CDKN1A: variants seen among roughly 807,000 people sequenced by gnomAD.
The protein encoded by CDKN1A is cyclin dependent kinase inhibitor 1A.
Under a neutral mutation model 14.8 loss-of-function variants are expected in CDKN1A, and 14 were observed. That is an observed-to-expected ratio of 0.94 (90% CI 0.62 to 1.48). The LOEUF (loss-of-function observed/expected upper bound fraction) is 1.48. CDKN1A is among the 40% of genes most tolerant of loss of function. The pLI is 0.00. For missense variants in CDKN1A, 203 were observed against 231.7 expected, an observed-to-expected ratio of 0.88 and a Z score of 0.80; for synonymous variants, 92 against 93.5, an observed-to-expected ratio of 0.98 and a Z score of 0.09.
At position 36,685,981 on chromosome 6, in the gene CDKN1A, A is replaced by G. The variant is rs546659289; in HGVS notation, c.*181A>G. The G allele has an allele frequency of 1.5e-6, 1 of 654,622 alleles. No individual in the cohort carries two copies. The highest frequency in any genetic ancestry group is 1.8e-5 in the African/African-American group (1 of 54,824). The allele number at this position is 654,622 out of a possible 1,614,324, so 40.6% of individuals were successfully genotyped here. On this transcript the variant is annotated 3_prime_UTR_variant, in exon 3 of 3. Transcript: ENST00000244741. Reference sequence around the variant, plus strand: ...CAGCCTCTGGCATTAGAATTATTTAAACAAAAACTAGGCGGTTGAATGAGA... The same window carrying G: ...CAGCCTCTGGCATTAGAATTATTTAGACAAAAACTAGGCGGTTGAATGAGA...
At chr6:36,681,274 T>C (rs12211305) in intron 1 of CDKN1A, among the ~76,000 whole-genome samples, 9,466 of 67,818 alleles carry the variant, frequency 0.14, 661 homozygotes, top group East Asian at 0.22. Context: ...TTTTCTTTCT[T>C]TCTTTTTTTC....
At position 36,685,246 on chromosome 6, in the gene CDKN1A, A is replaced by ACAACTACTG. The variant is rs1762160587; in HGVS notation, c.446-504_446-496dup. On this transcript the variant is annotated intron_variant, in intron 2 of 2. Transcript: ENST00000244741. ...TGGGTCAAGACTAATTATAATAACA[A>ACAACTACTG]CAACTACTGACGTTTATATGGGCCC... is the stretch of plus-strand genomic sequence containing the variant. 2.0e-5 allele frequency among the ~76,000 whole-genome samples: 3 copies of ACAACTACTG among 152,216 alleles called. No individual in the cohort carries two copies. In the South Asian group the frequency reaches 6.2e-4, roughly 31 times the overall value.
At chr6:36,679,512 G>A (rs3176326) in intron 1 of CDKN1A, among the ~76,000 whole-genome samples, 30,156 of 152,196 alleles carry the variant, frequency 0.2, 2,984 homozygotes, top group Middle Eastern at 0.3. Context: ...GGTACAGCGG[G>A]ACTCCAGAAG....
At chr6:36,683,231 C>A (rs1762076789) in intron 1 of CDKN1A, among the ~76,000 whole-genome samples, 1 of 152,226 alleles carries the variant, frequency 6.6e-6, no homozygotes, top group African/African-American at 2.4e-5. Context: ...CTATTACTAT[C>A]CCCATTTTAT....
chr6:36,681,421 C>CTCTT (rs1478304000), intron 1 of CDKN1A, among the ~76,000 whole-genome samples: 1 of 115,072 alleles, frequency 8.7e-6, no homozygotes, highest in East Asian at 2.6e-4. Flanking sequence ...TTCTCTTTCT[C>CTCTT]TCTTTCTTTC....
intron 1 of CDKN1A, among the ~76,000 whole-genome samples, chr6:36,683,356 A>T (rs538737497): frequency 6.6e-6 from 1 of 152,304 alleles, no homozygotes; most frequent in South Asian, 2.1e-4. Context: ...AACCACCAGG[A>T]TACAGCCTTT....
chr6:36,680,246 G>A (rs1405782754), intron 1 of CDKN1A, among the ~76,000 whole-genome samples: 1 of 152,018 alleles, frequency 6.6e-6, no homozygotes, highest in Non-Finnish European at 1.5e-5. Flanking sequence ...CGTGCTTTGG[G>A]CGTGGAGATA....
chr6:36,682,227 T>C (rs1434604701), intron 1 of CDKN1A, among the ~76,000 whole-genome samples: 1 of 152,232 alleles, frequency 6.6e-6, no homozygotes, highest in East Asian at 1.9e-4. Flanking sequence ...TGGTTGCCTC[T>C]TCTGTAAAAA....
At chr6:36,683,544 CA>C (rs368125377) in intron 1 of CDKN1A, among the ~76,000 whole-genome samples, 8 of 152,208 alleles carry the variant, frequency 5.3e-5, no homozygotes, top group African/African-American at 1.9e-4. Context: ...GAGCTAGGAC[CA>C]CAACCCGGGT....
At chr6:36,677,602 T>C (rs921419002), upstream of CDKN1A, 8 of 377,810 alleles carry the variant, frequency 2.1e-5, no homozygotes, top group African/African-American at 1.5e-4. Context: ...GAAGAACCAG[T>C]AGACACTTCC....
Position 36,678,975 on chromosome 6 carries a change from T to C in CDKN1A, c.-6+177T>C. 1.0e-6 allele frequency: 1 copy of C among 981,434 alleles called. No individual in the cohort carries two copies. The highest frequency in any genetic ancestry group is 1.2e-6 in the Non-Finnish European group (1 of 828,478). The allele number at this position is 981,434 out of a possible 1,614,324, so 60.8% of individuals were successfully genotyped here. On this transcript the variant is annotated intron_variant, in intron 1 of 2. Transcript: ENST00000244741. This position sits in a 1 kb window ranked among gnomAD's most constrained non-coding sequence, Gnocchi z 5.7. ...GGCGTGGGTCGGTGCGCGCTCGGCT[T>C]GCGCACACGGTGTCTCTAAGTGCGC...
chr6:36,680,570 G>T (rs1264489582), intron 1 of CDKN1A: 2 of 152,044 alleles, frequency 1.3e-5, no homozygotes, highest in Admixed American at 1.3e-4. Flanking sequence ...CCGAGGCTCT[G>T]CCCACGCACC....
chr6:36,679,024 C>T (rs1347915668), intron 1 of CDKN1A: 4 of 952,798 alleles, frequency 4.2e-6, no homozygotes, highest in Non-Finnish European at 5.0e-6. Flanking sequence ...CGGGATGTGC[C>T]GGAGACCCCG....
chr6:36,684,758 C>A lies in CDKN1A; in HGVS notation c.445+212C>A, dbSNP rs565270123. On this transcript the variant is annotated intron_variant, in intron 2 of 2. Coordinates refer to ENST00000244741, the MANE Select transcript of CDKN1A (RefSeq NM_000389.5). This position sits in a 1 kb window ranked among gnomAD's most constrained non-coding sequence, Gnocchi z 6.0. The stretch of plus-strand genomic sequence containing the variant: ...TTGGGAATGTTCATTATGCCAGGCC[C>A]TTTGCCAAGCTTCTAAGGTAGATTT... Among the ~76,000 whole-genome samples, 19 of 152,320 alleles carry A rather than the reference C, an allele frequency of 1.2e-4. No individual in the cohort carries two copies. The highest frequency in any genetic ancestry group is 4.6e-4 in the African/African-American group (19 of 41,582).
Position 36,684,160 on chromosome 6 carries a change from G to C in CDKN1A, c.59G>C (p.Arg20Pro), listed in dbSNP as rs375050346. Residue 20 changes from arginine to proline, a missense_variant, in exon 2 of 3, where the codon CGC becomes CCC. Arg to Pro is a moderately radical substitution (Grantham distance 103, BLOSUM62 -2). Transcript: ENST00000244741. This position sits in a 1 kb window ranked among gnomAD's most constrained non-coding sequence, Gnocchi z 6.0. ...CCATGCGGCAGCAAGGCCTGCCGCC[G>C]CCTCTTCGGCCCAGTGGACAGCGAG... is the stretch of plus-strand genomic sequence containing the variant. ...QNPCGSKACR[R>P]LFGPVDSEQL... The C allele has an allele frequency of 1.2e-6, 2 of 1,612,312 alleles. No individual in the cohort carries two copies. The highest frequency in any genetic ancestry group is 2.7e-5 in the African/African-American group (2 of 74,950).
chr6:36,680,618 C>G (rs1029008882), intron 1 of CDKN1A: 1 of 152,212 alleles, frequency 6.6e-6, no homozygotes, highest in African/African-American at 2.4e-5. Flanking sequence ...GCCGGCGCCC[C>G]CTCCCGGCCC....
In CDKN1A at chr6:36,684,435, G is replaced by A. The variant is rs2150314147; in HGVS notation, c.334G>A (p.Asp112Asn). 1 of 1,613,952 alleles carries A rather than the reference G, an allele frequency of 6.2e-7. No homozygotes were observed. Among genetic ancestry groups the A allele is most frequent in the African/African-American group, 1.3e-5 (1 of 75,062 alleles). Reference sequence around the variant, plus strand: ...GGGGACAGCAGAGGAAGACCATGTGGACCTGTCACTGTCTTGTACCCTTGT... The same window carrying A: ...GGGGACAGCAGAGGAAGACCATGTGAACCTGTCACTGTCTTGTACCCTTGT... ...LQGTAEEDHV[D>N]LSLSCTLVPR... The change falls in exon 2 of 3, where the codon GAC becomes AAC. Residue 112 changes from aspartate to asparagine, a missense_variant. By Grantham distance (23) the Asp-to-Asn change is conservative. Transcript: ENST00000244741. The surrounding 1 kb of genome is among the most constrained non-coding windows in gnomAD (Gnocchi z 6.0).
At chr6:36,677,906 T>G, upstream of CDKN1A, 1 of 1,361,602 alleles carries the variant, frequency 7.3e-7, no homozygotes, top group South Asian at 1.2e-5. Context: ...ACAAAGCTGC[T>G]GCAACCACAG....
At chr6:36,676,869 G>A (rs1761710157), upstream of CDKN1A, among the ~76,000 whole-genome samples, 1 of 151,852 alleles carries the variant, frequency 6.6e-6, no homozygotes, top group Admixed American at 6.6e-5. Flanking sequence ...TGAGCTAGAA[G>A]TTATAAAAAA....
Sources: gnomAD v4.1 joint callset for allele counts (sites outside exome capture counted in the v4.1 genomes callset) on GRCh38, gnomAD v4.1.1 for gene constraint, Gnocchi (gnomAD v3.1) non-coding constraint, MANE v1.5 for transcripts, NCBI Gene and HGNC (gene_info 2026-07-23, HGNC 2026-07-21) for gene names.